The following CRLS1 variants were observed in gnomAD, a reference collection of about 807,000 sequenced individuals.
The protein encoded by CRLS1 is cardiolipin synthase 1, also known as cardiolipin synthase (CMP-forming).
Under a neutral mutation model 37.0 loss-of-function variants are expected in CRLS1, and 24 were observed. The observed-to-expected ratio is 0.65, with a 90% CI of 0.47 to 0.91. The LOEUF (loss-of-function observed/expected upper bound fraction) is 0.91, where lower values mean the gene tolerates loss of function less well. Among genes scored for constraint, CRLS1 ranks in the 40% least tolerant of loss-of-function variants. The pLI is 0.00. For missense variants in CRLS1, 373 were observed against 395.8 expected, an observed-to-expected ratio of 0.94 and a Z score of 0.49; for synonymous variants, 135 against 159.7, an observed-to-expected ratio of 0.85 and a Z score of 1.17.
At chr20:6,022,373 C>G (rs1234110841) in intron 3 of CRLS1, among the ~76,000 whole-genome samples, 1 of 129,178 alleles carries the variant, frequency 7.7e-6, no homozygotes, top group African/African-American at 2.9e-5. Flanking sequence ...GGGTCTTGCT[C>G]TGTCACCCAG....
rs34621758 is a variant in CRLS1, at chr20:6,022,335, C to CTT, written c.574+6864_574+6865dup. Among the ~76,000 whole-genome samples the CTT allele has an allele frequency of 1.6e-3, 156 of 94,666 alleles. 4 individuals are homozygous for CTT. Among genetic ancestry groups the CTT allele is most frequent in the African/African-American group, 2.7e-3 (64 of 23,706 alleles). The allele number at this position is 94,666 out of a possible 152,430, so 62.1% of individuals were successfully genotyped here. A position where few individuals can be genotyped will look rare whatever the true frequency, so the allele number is the denominator to read the frequency against. Reference sequence around the variant, plus strand: ...TAAGAAATCAGCTGTTAATCCATTGCTTTTTTTTTTTTTTTTTTTTCAAGA... The same window carrying CTT: ...TAAGAAATCAGCTGTTAATCCATTGCTTTTTTTTTTTTTTTTTTTTTTCAAGA... On this transcript the variant is annotated intron_variant, in intron 3 of 6. Transcript: ENST00000378863.
At chr20:6,021,815 T>G (rs1979308104) in intron 3 of CRLS1, among the ~76,000 whole-genome samples, 1 of 152,318 alleles carries the variant, frequency 6.6e-6, no homozygotes, top group East Asian at 1.9e-4. Flanking sequence ...TTTCTTTCAC[T>G]CTACTAGTTT....
rs143141781 is a variant in CRLS1, at chr20:6,024,668, G to A, written c.575-6617G>A. ...GGAGGGCATTTCGAAAGCTGAGAGAGGCTGAAAGCTAGGCCGGTTGTGCCA... is the reference window on the plus strand; with the variant it reads ...GGAGGGCATTTCGAAAGCTGAGAGAAGCTGAAAGCTAGGCCGGTTGTGCCA... On this transcript the variant is annotated intron_variant, in intron 3 of 6. Transcript: ENST00000378863. Among the ~76,000 whole-genome samples the A allele has an allele frequency of 1.8e-3, 280 of 152,356 alleles. 1 individual carries two copies. The highest frequency in any genetic ancestry group is 6.3e-3 in the African/African-American group (263 of 41,584).
At chr20:6,023,984 G>T (rs1979478947) in intron 3 of CRLS1, among the ~76,000 whole-genome samples, 1 of 150,432 alleles carries the variant, frequency 6.6e-6, no homozygotes, top group African/African-American at 2.4e-5. Flanking sequence ...ACAGGGTCTT[G>T]CTCTGTCACC....
At chr20:6,026,416 C>T (rs1979713768) in intron 3 of CRLS1, among the ~76,000 whole-genome samples, 1 of 151,900 alleles carries the variant, frequency 6.6e-6, no homozygotes, top group Admixed American at 6.6e-5. Context: ...TTCATATGCA[C>T]TGGGAAACTG....
rs759133994 is a variant in CRLS1, at chr20:6,039,702, AT to A, written c.*2545del. On this transcript the variant is annotated 3_prime_UTR_variant, in exon 7 of 7. Coordinates refer to ENST00000378863, the MANE Select transcript of CRLS1 (RefSeq NM_019095.6). ...GATGCAGTCAAGATAGAATTAGATC[AT>A]ACTGGATTACAGTGGGCCCCAATAA... 4.0e-5 allele frequency: 6 copies of A among 151,540 alleles called. No individual in the cohort carries two copies. Among genetic ancestry groups the A allele is most frequent in the Non-Finnish European group, 7.4e-5 (5 of 67,944 alleles). The allele number at this position is 151,540 out of a possible 1,614,324, so 9.4% of individuals were successfully genotyped here. A position where few individuals can be genotyped will look rare whatever the true frequency, so the allele number is the denominator to read the frequency against.
chr20:6,015,866 C>T (rs1203612813), intron 3 of CRLS1: 2 of 244,276 alleles, frequency 8.2e-6, no homozygotes, highest in Non-Finnish European at 1.6e-5. Context: ...ATCGTTTAAT[C>T]ATAAGTGAGA....
At chr20:6,023,751 A>T (rs182583972) in intron 3 of CRLS1, among the ~76,000 whole-genome samples, 36 of 142,600 alleles carry the variant, frequency 2.5e-4, no homozygotes, top group Admixed American at 9.0e-4. Flanking sequence ...TGTCTTCATT[A>T]AAAAAAAAAA....
intron 3 of CRLS1, among the ~76,000 whole-genome samples, chr20:6,027,383 T>TTTTG (rs1278592060): frequency 9.8e-5 from 14 of 143,524 alleles, no homozygotes; most frequent in East Asian, 2.2e-4. Context: ...CCATGCCTGT[T>TTTTG]TTTGTTTGTT....
chr20:6,007,577 C>T (rs1461426415), intron 1 of CRLS1, among the ~76,000 whole-genome samples: 1 of 152,198 alleles, frequency 6.6e-6, no homozygotes, highest in Non-Finnish European at 1.5e-5. Context: ...TTTGTTAATT[C>T]GCCAAATGAA....
intron 3 of CRLS1, among the ~76,000 whole-genome samples, chr20:6,028,899 G>T (rs1049014799): frequency 1.3e-5 from 2 of 152,226 alleles, no homozygotes; most frequent in Admixed American, 1.3e-4. Context: ...AATGAAAACT[G>T]TTTTAACTCT....
rs1292892676 is a variant in CRLS1, at chr20:6,032,003, C to T, written c.661-9C>T. Reference sequence around the variant, plus strand: ...GTTAATTACTTTATCTTTTTTGGTCCTCTGCCAGCGAACACTTGCCAAGTA... The same window carrying T: ...GTTAATTACTTTATCTTTTTTGGTCTTCTGCCAGCGAACACTTGCCAAGTA... On this transcript the variant is annotated splice_polypyrimidine_tract_variant and intron_variant, in intron 4 of 6. Transcript: ENST00000378863. 1 of 1,604,492 alleles carries T rather than the reference C, an allele frequency of 6.2e-7. No individual in the cohort carries two copies. Among genetic ancestry groups the T allele is most frequent in the Non-Finnish European group, 8.5e-7 (1 of 1,174,182 alleles).
chr20:6,017,950 G>T (rs1399565167), intron 3 of CRLS1, among the ~76,000 whole-genome samples: 1 of 152,078 alleles, frequency 6.6e-6, no homozygotes, highest in Non-Finnish European at 1.5e-5. Flanking sequence ...GGGCACAATG[G>T]CTTGCCCCTG....
At chr20:6,011,572 C>CTTTTTTTTTTGTTTTTTTTTTTTTT (rs2090134428) in intron 2 of CRLS1, among the ~76,000 whole-genome samples, 1 of 27,830 alleles carries the variant, frequency 3.6e-5, no homozygotes, top group African/African-American at 1.0e-4. Flanking sequence ...TTTGTCCCTG[C>CTTTTTTTTTTGTTTTTTTTTTTTTT]TTTTTTTTTT....
chr20:6,024,313 GT>G (rs1182615372), intron 3 of CRLS1, among the ~76,000 whole-genome samples: 2 of 152,110 alleles, frequency 1.3e-5, no homozygotes, highest in African/African-American at 2.4e-5. Flanking sequence ...TATTAAATCT[GT>G]TATGGTGATC....
In CRLS1 at chr20:6,009,819, A is replaced by G. The variant is rs1250824774; in HGVS notation, c.351A>G (p.Arg117=). ...TCCCGAATATGTTGTCAATGACGAG[A>G]ATTGGCTTGGCCCCAGTTCTGGGCT... ...WTIPNMLSMT[R]IGLAPVLGYL... Residue 117 remains arginine (R), a synonymous_variant, in exon 2 of 7, where the codon AGA becomes AGG. Coordinates refer to ENST00000378863, the MANE Select transcript of CRLS1 (RefSeq NM_019095.6). 6.2e-7 allele frequency: 1 copy of G among 1,614,082 alleles called. No individual in the cohort carries two copies. The highest frequency in any genetic ancestry group is 8.5e-7 in the Non-Finnish European group (1 of 1,179,950).
At chr20:6,009,314 C>T (rs2090101046) in intron 1 of CRLS1, among the ~76,000 whole-genome samples, 1 of 138,198 alleles carries the variant, frequency 7.2e-6, no homozygotes. Flanking sequence ...CAGAACTAGA[C>T]TCCATCTCAA....
intron 4 of CRLS1, among the ~76,000 whole-genome samples, 185 bp from the exon 5 acceptor site, chr20:6,031,826 TG>T (rs5840117): frequency 0.026 from 4,008 of 152,300 alleles, 167 homozygotes; most frequent in African/African-American, 0.091. Flanking sequence ...TGATAGGTAT[TG>T]TGTTCGAATT....
At chr20:6,030,136 C>A (rs1402100690) in intron 3 of CRLS1, among the ~76,000 whole-genome samples, 1 of 151,068 alleles carries the variant, frequency 6.6e-6, no homozygotes, top group Non-Finnish European at 1.5e-5. Context: ...TTTTTTTCCC[C>A]CCTTTTTAAA....
Sources: allele counts gnomAD v4.1 joint callset (sites outside exome capture counted in the v4.1 genomes callset), GRCh38; gene constraint gnomAD v4.1.1; transcripts MANE v1.5; gene names NCBI Gene and HGNC (gene_info 2026-07-23, HGNC 2026-07-21).